MACROD2: variants seen among roughly 807,000 people sequenced by gnomAD.
MACROD2 encodes ADP-ribose glycohydrolase MACROD2.
Under a neutral mutation model 70.4 loss-of-function variants are expected in MACROD2, and 36 were observed. The observed-to-expected ratio is 0.51, with a 90% CI of 0.39 to 0.68. The LOEUF (loss-of-function observed/expected upper bound fraction) is 0.68. Ranked by LOEUF, MACROD2 falls within the 30% of genes least tolerant of loss-of-function variation. The probability of loss-of-function intolerance (pLI) is 0.00; values close to 1 mark genes in which losing one functional copy is unlikely to be tolerated. For synonymous variants in MACROD2, 172 were observed against 178.8 expected (o/e 0.96, Z 0.30); for missense variants, 496 against 538.4 (o/e 0.92, Z 0.78).
chr20:15,725,313 T>C (rs1016607452), intron 8 of MACROD2, among the ~76,000 whole-genome samples: 19 of 152,186 alleles, frequency 1.2e-4, no homozygotes, highest in Admixed American at 3.3e-4. Context: ...TTTTGTTAGA[T>C]TTATATCTAA....
At chr20:15,854,941 G>A (rs2064340417) in intron 8 of MACROD2, among the ~76,000 whole-genome samples, 1 of 152,158 alleles carries the variant, frequency 6.6e-6, no homozygotes, top group African/African-American at 2.4e-5. Flanking sequence ...ACCCTGCACT[G>A]GTGAGACTGT....
intron 5 of MACROD2, among the ~76,000 whole-genome samples, chr20:14,773,478 CTCTG>C (rs113425853): frequency 6.6e-6 from 1 of 152,116 alleles, no homozygotes; most frequent in African/African-American, 2.4e-5. Flanking sequence ...ATTTGTCTTT[CTCTG>C]TCTAATTTCT....
chr20:14,700,649 C>G, intron 5 of MACROD2, among the ~76,000 whole-genome samples: 1 of 151,882 alleles, frequency 6.6e-6, no homozygotes, highest in East Asian at 1.9e-4. Flanking sequence ...TCCATTCTAT[C>G]CACATTTTGT....
chr20:15,531,545 A>G (rs1043405997), intron 8 of MACROD2, among the ~76,000 whole-genome samples: 5 of 152,166 alleles, frequency 3.3e-5, no homozygotes, highest in African/African-American at 1.2e-4. Flanking sequence ...ATAAAAACAT[A>G]CAAAGTAGTA....
At chr20:15,852,182 G>A (rs75170667) in intron 8 of MACROD2, among the ~76,000 whole-genome samples, 6,302 of 152,206 alleles carry the variant, frequency 0.041, 286 homozygotes, top group East Asian at 0.21. Flanking sequence ...AGGCAGGCTC[G>A]GAAATTAACT....
intron 8 of MACROD2, among the ~76,000 whole-genome samples, chr20:15,722,956 T>C (rs1480879664): frequency 1.3e-5 from 2 of 152,204 alleles, no homozygotes; most frequent in Admixed American, 6.6e-5. Context: ...AGTTGTCCCA[T>C]TGATACTTAC....
chr20:14,164,491 C>G (rs960068965), intron 3 of MACROD2, among the ~76,000 whole-genome samples: 2 of 152,058 alleles, frequency 1.3e-5, no homozygotes, highest in Admixed American at 1.3e-4. Context: ...GTTCTCGGTC[C>G]CCTGGGCGGC....
chr20:15,580,168 A>G lies in MACROD2; in HGVS notation c.645+80321A>G, dbSNP rs185230617. 5.2e-4 allele frequency among the ~76,000 whole-genome samples: 79 copies of G among 152,328 alleles called. No individual in the cohort carries two copies. In the East Asian group the frequency reaches 0.015, roughly 29 times the overall value. ...AGCCGTGGGTTTCTTAAATCTTGAA[A>G]ATAGATAAAGTAAAAAAAGAATTGC... On this transcript the variant is annotated intron_variant, in intron 8 of 17. Transcript: ENST00000684519.
At chr20:14,628,133 A>G (rs148590804) in intron 4 of MACROD2, among the ~76,000 whole-genome samples, 1 of 152,300 alleles carries the variant, frequency 6.6e-6, no homozygotes, top group East Asian at 1.9e-4. Flanking sequence ...TAAAAAGAGA[A>G]CAGGTTTGGA....
chr20:14,145,424 G>T (rs965699481), intron 3 of MACROD2, among the ~76,000 whole-genome samples: 4 of 152,142 alleles, frequency 2.6e-5, no homozygotes, highest in Admixed American at 2.6e-4. Context: ...CCATTAATTT[G>T]TGTTTATTTT....
intron 6 of MACROD2, among the ~76,000 whole-genome samples, chr20:15,277,483 G>A (rs974823552): frequency 6.6e-6 from 1 of 152,194 alleles, no homozygotes; most frequent in African/African-American, 2.4e-5. Flanking sequence ...TCTTAAATAG[G>A]TTGCTATAAC....
chr20:14,423,699 CAAA>C (rs1228934904), intron 3 of MACROD2, among the ~76,000 whole-genome samples: 3 of 51,340 alleles, frequency 5.8e-5, no homozygotes, highest in Non-Finnish European at 6.7e-5. Context: ...GACTCTGTCT[CAAA>C]AAAAAAAAAA....
intron 8 of MACROD2, among the ~76,000 whole-genome samples, chr20:15,728,747 C>T (rs2050901024): frequency 1.3e-5 from 2 of 151,830 alleles, no homozygotes; most frequent in African/African-American, 2.4e-5. Flanking sequence ...TGGTAATGTC[C>T]CCTTTGTCAT....
intron 4 of MACROD2, among the ~76,000 whole-genome samples, chr20:14,648,443 A>G (rs1346348247): frequency 6.6e-6 from 1 of 152,192 alleles, no homozygotes; most frequent in Non-Finnish European, 1.5e-5. Flanking sequence ...TTAATTTGGA[A>G]AAAGTCAACA....
chr20:15,714,916 A>C (rs559600795), intron 8 of MACROD2, among the ~76,000 whole-genome samples: 1 of 152,108 alleles, frequency 6.6e-6, no homozygotes, highest in Non-Finnish European at 1.5e-5. Flanking sequence ...AAAGTTCCCC[A>C]GTTTTTTCAA....
intron 3 of MACROD2, chr20:14,086,248 A>T: frequency 2.8e-6 from 1 of 361,478 alleles, no homozygotes; most frequent in South Asian, 2.2e-5. Flanking sequence ...TATTTTAATT[A>T]TTTTTAATAA....
intron 8 of MACROD2, among the ~76,000 whole-genome samples, chr20:15,850,795 G>A (rs113219151): frequency 0.018 from 2,783 of 152,208 alleles, 36 homozygotes; most frequent in Middle Eastern, 0.037. Context: ...GGTCAGTGTC[G>A]GATGGGGCCC....
intron 8 of MACROD2, among the ~76,000 whole-genome samples, chr20:15,545,717 A>AT (rs929544309): frequency 8.1e-4 from 124 of 152,188 alleles, no homozygotes; most frequent in African/African-American, 2.9e-3. Flanking sequence ...TGCATTTCCC[A>AT]TTTTTTTAAC....
intron 5 of MACROD2, among the ~76,000 whole-genome samples, chr20:14,859,089 G>C (rs897457382): frequency 1.3e-5 from 2 of 151,742 alleles, no homozygotes; most frequent in East Asian, 1.9e-4. Context: ...AGGTTGGGAG[G>C]GGGGTGAGCG....
Sources: gnomAD v4.1 joint callset for allele counts (sites outside exome capture counted in the v4.1 genomes callset) on GRCh38, gnomAD v4.1.1 for gene constraint, MANE v1.5 for transcripts, NCBI Gene and HGNC (gene_info 2026-07-23, HGNC 2026-07-21) for gene names.